Variants in BLZF1 observed in about 807,000 individuals in gnomAD.
The protein encoded by BLZF1 is golgin-45.
A neutral mutation model predicts 43.8 loss-of-function variants in BLZF1; 39 were observed. That is an observed-to-expected ratio of 0.89 (90% CI 0.69 to 1.16). The LOEUF (loss-of-function observed/expected upper bound fraction) is 1.16. BLZF1 is among the 50% of genes most tolerant of loss of function. BLZF1 has a pLI of 0.00. For missense variants in BLZF1, 449 were observed against 469.8 expected, an observed-to-expected ratio of 0.96 and a Z score of 0.41; for synonymous variants, 136 against 159.4, an observed-to-expected ratio of 0.85 and a Z score of 1.11.
downstream of BLZF1, among the ~76,000 whole-genome samples, chr1:169,391,525 C>T (rs1571448224): frequency 6.6e-6 from 1 of 152,106 alleles, no homozygotes; most frequent in African/African-American, 2.4e-5. Flanking sequence ...GGCCCAATAA[C>T]GAGATGCAAA....
At chr1:169,390,066 A>G (rs1654781146), downstream of BLZF1, among the ~76,000 whole-genome samples, 1 of 152,234 alleles carries the variant, frequency 6.6e-6, no homozygotes. Flanking sequence ...ATGCTACTGC[A>G]TTGTACATTT....
At chr1:169,381,989 T>TA in intron 5 of BLZF1, 73 bp from the exon 6 acceptor site, 1 of 1,059,628 alleles carries the variant, frequency 9.4e-7, no homozygotes, top group Admixed American at 2.3e-5. Context: ...ATATTTGTAT[T>TA]ACCTATTTAC....
Position 169,378,443 on chromosome 1 carries a change from A to G in BLZF1, c.582A>G (p.Leu194=), listed in dbSNP as rs145014622. ...AGCTTATTTTAGAAAATGAAGCCCT[A>G]GGTCGAAACACAGCTCAGCTTTCTG... ...KNQLILENEA[L]GRNTAQLSEQ... The change falls in exon 4 of 7, where the codon CTA becomes CTG. Residue 194 remains leucine (L), a synonymous_variant. Coordinates refer to ENST00000367808, the MANE Select transcript of BLZF1 (RefSeq NM_001320973.2). 120 of 1,612,910 alleles carry G rather than the reference A, an allele frequency of 7.4e-5. No homozygotes were observed. The highest frequency in any genetic ancestry group is 1.0e-4 in the Non-Finnish European group (119 of 1,179,198).
intron 3 of BLZF1, among the ~76,000 whole-genome samples, chr1:169,377,706 T>A (rs1462789756): frequency 6.6e-6 from 1 of 151,908 alleles, no homozygotes; most frequent in Non-Finnish European, 1.5e-5. Flanking sequence ...ATACATTGAG[T>A]TCATTTAGTG....
Position 169,378,420 on chromosome 1 carries a change from C to T in BLZF1, c.559C>T (p.Leu187Phe). ...FERLAREKNQ[L>F]ILENEALGRN... ...ACGTCTAGCCCGTGAGAAAAATCAG[C>T]TTATTTTAGAAAATGAAGCCCTAGG... The change falls in exon 4 of 7, where the codon CTT becomes TTT. Residue 187 changes from leucine to phenylalanine, a missense_variant. Physicochemically the swap from Leu to Phe is conservative, Grantham distance 22. Coordinates refer to ENST00000367808, the MANE Select transcript of BLZF1 (RefSeq NM_001320973.2). The T allele has an allele frequency of 2.5e-6, 4 of 1,612,998 alleles. No individual in the cohort carries two copies. The highest frequency in any genetic ancestry group is 1.1e-5 in the South Asian group (1 of 91,054).
chr1:169,384,080 T>A (rs1654602015), intron 6 of BLZF1, among the ~76,000 whole-genome samples: 1 of 152,132 alleles, frequency 6.6e-6, no homozygotes, highest in Admixed American at 6.6e-5. Context: ...TGCTTTTGCA[T>A]TTGTACAACC....
intron 3 of BLZF1, among the ~76,000 whole-genome samples, chr1:169,377,820 A>G (rs1654407068): frequency 6.6e-6 from 1 of 152,032 alleles, no homozygotes; most frequent in Non-Finnish European, 1.5e-5. Context: ...GCTATACCAT[A>G]TACCAATAAC....
At chr1:169,395,552 C>A in intron 7 of BLZF1, among the ~76,000 whole-genome samples, 1 of 152,240 alleles carries the variant, frequency 6.6e-6, no homozygotes, top group African/African-American at 2.4e-5. Context: ...AAATAACTTA[C>A]TCTTTGTAAC....
intron 3 of BLZF1, among the ~76,000 whole-genome samples, chr1:169,378,057 G>A (rs1477587092): frequency 1.3e-5 from 2 of 151,732 alleles, no homozygotes; most frequent in Admixed American, 1.3e-4. Flanking sequence ...TTGACTAGAA[G>A]CAATTTGTTA....
intron 6 of BLZF1, among the ~76,000 whole-genome samples, chr1:169,385,647 C>T (rs1042191071): frequency 6.6e-6 from 1 of 152,168 alleles, no homozygotes; most frequent in African/African-American, 2.4e-5. Context: ...CTTTGCTTAT[C>T]CTCTAATACC....
intron 2 of BLZF1, among the ~76,000 whole-genome samples, chr1:169,374,362 T>G (rs1654227467): frequency 6.6e-6 from 1 of 152,110 alleles, no homozygotes; most frequent in South Asian, 2.1e-4. Flanking sequence ...GTGGAAGTTC[T>G]CCTTGTCAGT....
In BLZF1 at chr1:169,378,356, G is replaced by A; in HGVS notation, c.495G>A (p.Leu165=). The change falls in exon 4 of 7, where the codon CTG becomes CTA. Residue 165 remains leucine, a synonymous_variant. Transcript: ENST00000367808. ...TEVNRELKKL[L]VASVGDDLQY... ...TAAATCGTGAGTTAAAAAAGTTACT[G>A]GTGGCTTCTGTTGGGGATGATCTTC... 1 of 1,612,552 alleles carries A rather than the reference G, an allele frequency of 6.2e-7. No homozygotes were observed. Among genetic ancestry groups the A allele is most frequent in the Admixed American group, 1.7e-5 (1 of 59,936 alleles).
At position 169,382,294 on chromosome 1, in the gene BLZF1, C is replaced by A. The variant is rs1023102436; in HGVS notation, c.1017+13C>A. 1 of 1,605,050 alleles carries A rather than the reference C, an allele frequency of 6.2e-7. No homozygotes were observed. The highest frequency in any genetic ancestry group is 8.5e-7 in the Non-Finnish European group (1 of 1,173,366). Reference sequence around the variant, plus strand: ...AATGGCTGAAACGGTAAAATATTTTCTTTTGTGATCTATGGAACTTCTAAC... The same window carrying A: ...AATGGCTGAAACGGTAAAATATTTTATTTTGTGATCTATGGAACTTCTAAC... On this transcript the variant is annotated intron_variant, in intron 6 of 6. Transcript: ENST00000367808.
chr1:169,370,070 C>T (rs1654058203), intron 2 of BLZF1, among the ~76,000 whole-genome samples: 1 of 152,224 alleles, frequency 6.6e-6, no homozygotes, highest in African/African-American at 2.4e-5. Context: ...TCCTAGCTTC[C>T]AGTGGCTTGC....
chr1:169,393,291 A>G (rs1654861871), downstream of BLZF1, among the ~76,000 whole-genome samples: 1 of 152,018 alleles, frequency 6.6e-6, no homozygotes, highest in Non-Finnish European at 1.5e-5. Flanking sequence ...AAATTAAGTA[A>G]AAACGAATCA....
chr1:169,392,956 G>A (rs1287240020), downstream of BLZF1, among the ~76,000 whole-genome samples: 3 of 152,058 alleles, frequency 2.0e-5, no homozygotes, highest in African/African-American at 7.2e-5. Flanking sequence ...TTTAAAAAGA[G>A]AAACAGAAGT....
At chr1:169,391,796 G>C (rs766057325), downstream of BLZF1, among the ~76,000 whole-genome samples, 6 of 80,176 alleles carry the variant, frequency 7.5e-5, no homozygotes, top group Non-Finnish European at 2.2e-4. Flanking sequence ...CAGGTGCTGG[G>C]GCAGTTACCC....
chr1:169,389,203 CGAATTTCTTGAACCTGGGA>C (rs920154959), downstream of BLZF1, among the ~76,000 whole-genome samples: 15 of 140,504 alleles, frequency 1.1e-4, no homozygotes, highest in African/African-American at 3.5e-4. Context: ...GTGAGGCAGG[CGAATTTCTTGAACCTGGGA>C]GGTGGAGGCT....
intron 7 of BLZF1, chr1:169,394,883 A>T: frequency 1.7e-6 from 1 of 575,764 alleles, no homozygotes; most frequent in Non-Finnish European, 2.9e-6. Context: ...CAACACTGTG[A>T]GAAAAAAATT....
Sources: allele counts gnomAD v4.1 joint callset (sites outside exome capture counted in the v4.1 genomes callset), GRCh38; gene constraint gnomAD v4.1.1; transcripts MANE v1.5; gene names NCBI Gene and HGNC (gene_info 2026-07-23, HGNC 2026-07-21).